Variants in ATP9A observed in about 807,000 individuals in gnomAD.
The protein encoded by ATP9A is probable phospholipid-transporting ATPase IIA.
Under a neutral mutation model 144.1 loss-of-function variants are expected in ATP9A, and 52 were observed. The ratio of observed to expected loss-of-function variants is 0.36; its 90% CI spans 0.29 to 0.45. The LOEUF (loss-of-function observed/expected upper bound fraction) is 0.45, where lower values mean the gene tolerates loss of function less well. Ranked by LOEUF, ATP9A falls within the 20% of genes least tolerant of loss-of-function variation. The pLI, the probability that ATP9A is intolerant of heterozygous loss-of-function variation, is 1.00. For synonymous variants in ATP9A, 582 were observed against 557.4 expected, an observed-to-expected ratio of 1.04 and a Z score of -0.62; for missense variants, 947 against 1,392.7, an observed-to-expected ratio of 0.68 and a Z score of 5.09.
rs1332420803 is a variant in ATP9A at position 51,610,178 on chromosome 20, G to C, written c.2572-13C>G. On this transcript the variant is annotated splice_polypyrimidine_tract_variant and intron_variant, in intron 23 of 27. Transcript: ENST00000338821. ...AGGAAAAGACAGCCTGTGCCAAGGA[G>C]AGAGGAGGATGTCACCAAAAGTCAT... The C allele has an allele frequency of 1.9e-6, 3 of 1,599,722 alleles. No homozygotes were observed. Among genetic ancestry groups the C allele is most frequent in the East Asian group, 4.5e-5 (2 of 44,826 alleles).
chr20:51,643,439 A>T (rs1177259442), intron 14 of ATP9A, among the ~76,000 whole-genome samples: 1 of 152,186 alleles, frequency 6.6e-6, no homozygotes, highest in African/African-American at 2.4e-5. Flanking sequence ...CCCCAATATG[A>T]TAGCAGTTGG....
intron 9 of ATP9A, among the ~76,000 whole-genome samples, chr20:51,682,334 G>A (rs1329278343): frequency 6.6e-6 from 1 of 152,104 alleles, no homozygotes; most frequent in East Asian, 1.9e-4. Context: ...GCTTAGAAAA[G>A]AAGAATGGTG....
intron 9 of ATP9A, among the ~76,000 whole-genome samples, chr20:51,688,365 G>C (rs2077532573): frequency 6.6e-6 from 1 of 152,108 alleles, no homozygotes; most frequent in Non-Finnish European, 1.5e-5. Context: ...GGCTGAGGTG[G>C]GTGGATCACT....
At position 51,600,807 on chromosome 20, in the gene ATP9A, A is replaced by C. The variant is rs79346952; in HGVS notation, c.*404T>G. ...TACATACACATTAGGACTCTTTAAA[A>C]ACACACACACACACACACACACACA... On this transcript the variant is annotated 3_prime_UTR_variant, in exon 28 of 28. Transcript: ENST00000338821. 1.5e-3 allele frequency: 182 copies of C among 120,616 alleles called. 1 individual carries two copies. The highest frequency in any genetic ancestry group is 0.013 in the Middle Eastern group (3 of 230). The allele number at this position is 120,616 out of a possible 1,614,324, so 7.5% of individuals were successfully genotyped here. A position where few individuals can be genotyped will look rare whatever the true frequency, so the allele number is the denominator to read the frequency against.
At chr20:51,683,312 T>C (rs1333763626) in intron 9 of ATP9A, among the ~76,000 whole-genome samples, 1 of 151,878 alleles carries the variant, frequency 6.6e-6, no homozygotes, top group African/African-American at 2.4e-5. Context: ...TCGCCCAGGC[T>C]GGAGTGCAGT....
intron 1 of ATP9A, among the ~76,000 whole-genome samples, chr20:51,736,433 T>G (rs756546510): frequency 2.4e-4 from 36 of 152,128 alleles, no homozygotes; most frequent in Non-Finnish European, 4.6e-4. Context: ...CTGAAGCAGA[T>G]AATGGGTATA....
intron 1 of ATP9A, among the ~76,000 whole-genome samples, chr20:51,746,473 C>T (rs1374751080): frequency 6.6e-6 from 1 of 151,964 alleles, no homozygotes; most frequent in African/African-American, 2.4e-5. Context: ...CCGAGGCAGG[C>T]GGATCACCTG....
intron 4 of ATP9A, among the ~76,000 whole-genome samples, chr20:51,707,314 G>T (rs146609594): frequency 6.6e-6 from 1 of 152,106 alleles, no homozygotes; most frequent in Admixed American, 6.5e-5. Flanking sequence ...CAAGATGAAG[G>T]TCACCTCTTC....
intron 1 of ATP9A, among the ~76,000 whole-genome samples, chr20:51,758,293 ATAAT>A (rs926961711): frequency 2.6e-4 from 40 of 152,226 alleles, no homozygotes; most frequent in African/African-American, 8.7e-4. Context: ...TAAAAATGTT[ATAAT>A]TAGTCTTTTT....
chr20:51,621,948 G>C (rs1304460462), intron 19 of ATP9A, 126 bp downstream of exon 19: 1 of 787,968 alleles, frequency 1.3e-6, no homozygotes, highest in Non-Finnish European at 2.1e-6. Flanking sequence ...AACCGTGGTT[G>C]ATGCTCCCCA....
At chr20:51,665,420 TAA>T (rs1473928996) in intron 13 of ATP9A, among the ~76,000 whole-genome samples, 1 of 152,160 alleles carries the variant, frequency 6.6e-6, no homozygotes, top group East Asian at 1.9e-4. Flanking sequence ...CTTTTTCCAT[TAA>T]AAGTACTAGT....
intron 2 of ATP9A, among the ~76,000 whole-genome samples, chr20:51,726,889 C>CTTTTTTTTTTTTTTT: frequency 1.1e-5 from 1 of 93,982 alleles, no homozygotes; most frequent in Non-Finnish European, 2.0e-5. Flanking sequence ...TGTGTTATTT[C>CTTTTTTTTTTTTTTT]TTTTTTTTTT....
chr20:51,638,071 TTATATATATATATATATA>T (rs56043552), intron 15 of ATP9A, among the ~76,000 whole-genome samples: 418 of 34,202 alleles, frequency 0.012, 18 homozygotes, highest in African/African-American at 0.028. Context: ...TTTCATCATT[TTATATATATATATATATA>T]TATATATATA....
chr20:51,678,372 T>C (rs1251946629), intron 9 of ATP9A, among the ~76,000 whole-genome samples: 1 of 152,134 alleles, frequency 6.6e-6, no homozygotes, highest in Non-Finnish European at 1.5e-5. Context: ...CTGAAGCACA[T>C]CTGCAGTAAA....
chr20:51,619,579 G>A (rs1486572996), intron 19 of ATP9A, among the ~76,000 whole-genome samples: 50 of 60,068 alleles, frequency 8.3e-4, no homozygotes, highest in South Asian at 4.3e-3. Context: ...AAAAAAAAGG[G>A]GGGGGGGGGC....
chr20:51,629,808 C>A (rs775395045), intron 15 of ATP9A, among the ~76,000 whole-genome samples: 3 of 152,198 alleles, frequency 2.0e-5, no homozygotes, highest in Non-Finnish European at 4.4e-5. Flanking sequence ...TAGTTGTGTG[C>A]AGCTGGACAA....
intron 11 of ATP9A, 101 bp downstream of exon 11, chr20:51,674,052 G>A: frequency 7.2e-7 from 1 of 1,387,018 alleles, no homozygotes; most frequent in Non-Finnish European, 9.7e-7. Context: ...CTCCATCTCA[G>A]AAAACAATAA....
chr20:51,743,310 C>T (rs867775641), intron 1 of ATP9A, among the ~76,000 whole-genome samples: 2 of 151,796 alleles, frequency 1.3e-5, no homozygotes, highest in African/African-American at 2.4e-5. Flanking sequence ...CAAACTGAAA[C>T]TGGACCGTCT....
chr20:51,750,613 C>G (rs756733719), intron 1 of ATP9A, among the ~76,000 whole-genome samples: 96 of 152,292 alleles, frequency 6.3e-4, no homozygotes, highest in Non-Finnish European at 2.4e-4. Context: ...GAATGACTTG[C>G]CTTGCTCCTC....
Sources: gnomAD v4.1 joint callset for allele counts (sites outside exome capture counted in the v4.1 genomes callset) on GRCh38, gnomAD v4.1.1 for gene constraint, MANE v1.5 for transcripts, NCBI Gene and HGNC (gene_info 2026-07-23, HGNC 2026-07-21) for gene names.